Variants in SLC44A5 observed in about 807,000 individuals in gnomAD.
The protein encoded by SLC44A5 is solute carrier family 44 member 5.
In SLC44A5, 57 loss-of-function variants were observed where a neutral mutation model predicts 101.8. The observed-to-expected ratio is 0.56, with a 90% CI of 0.45 to 0.70. The LOEUF is 0.70. SLC44A5 is among the 30% of genes least tolerant of loss of function. The pLI is 0.00. For synonymous variants in SLC44A5, 281 were observed against 290.9 expected (o/e 0.97, Z 0.35); for missense variants, 737 against 853.1 (o/e 0.86, Z 1.70).
chr1:75,671,254 G>C, the SLC44A5 span, among the ~76,000 whole-genome samples: 3 of 152,092 alleles, frequency 2.0e-5, no homozygotes, highest in Non-Finnish European at 4.4e-5. Flanking sequence ...TGGTGTGCGT[G>C]GACTCTGGAT....
At chr1:75,286,331 T>C (rs1653041171) in intron 5 of SLC44A5, among the ~76,000 whole-genome samples, 1 of 152,286 alleles carries the variant, frequency 6.6e-6, no homozygotes, top group African/African-American at 2.4e-5. Flanking sequence ...AATATCTTTT[T>C]CCACCCCTTT....
intron 2 of SLC44A5, among the ~76,000 whole-genome samples, chr1:75,520,689 A>G (rs1670068812): frequency 1.3e-5 from 2 of 152,114 alleles, no homozygotes; most frequent in African/African-American, 4.8e-5. Context: ...GGTCTGAAAG[A>G]CTCGCAAAAT....
intron 5 of SLC44A5, among the ~76,000 whole-genome samples, chr1:75,285,741 G>T (rs1315730909): frequency 1.3e-5 from 2 of 151,948 alleles, no homozygotes; most frequent in African/African-American, 4.8e-5. Flanking sequence ...TAATAATTCA[G>T]GAGCAGGTTA....
chr1:75,630,925 T>C, the SLC44A5 span, among the ~76,000 whole-genome samples: 1 of 150,950 alleles, frequency 6.6e-6, no homozygotes, highest in Admixed American at 6.6e-5. Context: ...ACAGAAGGCA[T>C]TAAGTCGCCT....
chr1:75,399,473 T>G (rs1437449417), intron 2 of SLC44A5, among the ~76,000 whole-genome samples: 1 of 151,678 alleles, frequency 6.6e-6, no homozygotes, highest in African/African-American at 2.4e-5. Context: ...AAAAGGGGAG[T>G]GTGCTAATCA....
chr1:75,368,643 GCACACACACA>G (rs10598515), intron 3 of SLC44A5, among the ~76,000 whole-genome samples: 30 of 144,008 alleles, frequency 2.1e-4, no homozygotes, highest in Non-Finnish European at 2.9e-4. Context: ...AAATGTGCAT[GCACACACACA>G]CACACACACA....
intron 2 of SLC44A5, among the ~76,000 whole-genome samples, chr1:75,501,690 G>T (rs1336040895): frequency 1.3e-5 from 2 of 152,098 alleles, no homozygotes; most frequent in African/African-American, 2.4e-5. Flanking sequence ...CCGGTAAACT[G>T]CCATATCACC....
At chr1:75,511,533 T>C (rs1669571609) in intron 2 of SLC44A5, among the ~76,000 whole-genome samples, 1 of 152,232 alleles carries the variant, frequency 6.6e-6, no homozygotes, top group Non-Finnish European at 1.5e-5. Flanking sequence ...AGAGTATTTC[T>C]TATTTAAAAA....
chr1:75,604,492 T>C (rs148665339), intron 1 of SLC44A5, among the ~76,000 whole-genome samples: 1 of 152,190 alleles, frequency 6.6e-6, no homozygotes, highest in African/African-American at 2.4e-5. Flanking sequence ...CTTTGCCTAT[T>C]TGGGCTCTTT....
At chr1:75,279,719 C>A (rs1054609827) in intron 5 of SLC44A5, among the ~76,000 whole-genome samples, 3 of 151,722 alleles carry the variant, frequency 2.0e-5, no homozygotes, top group African/African-American at 7.3e-5. Context: ...CCTTTTTTTA[C>A]AACTTATAAA....
the SLC44A5 span, among the ~76,000 whole-genome samples, chr1:75,717,033 C>G: frequency 6.6e-6 from 1 of 150,438 alleles, no homozygotes; most frequent in Non-Finnish European, 1.5e-5. Context: ...GACTCCATCT[C>G]CAAAAAAAAA....
At chr1:75,234,579 A>C (rs1180644275) in intron 11 of SLC44A5, among the ~76,000 whole-genome samples, 3 of 152,030 alleles carry the variant, frequency 2.0e-5, no homozygotes, top group Admixed American at 2.0e-4. Flanking sequence ...AGATAAGAAA[A>C]ATAACTGGCC....
At chr1:75,634,642 C>A in the SLC44A5 span, among the ~76,000 whole-genome samples, 3 of 151,156 alleles carry the variant, frequency 2.0e-5, no homozygotes, top group Non-Finnish European at 4.4e-5. Flanking sequence ...CCCTTCCTTA[C>A]ACCTTATACA....
chr1:75,630,761 G>A, the SLC44A5 span, among the ~76,000 whole-genome samples: 1 of 152,178 alleles, frequency 6.6e-6, no homozygotes, highest in East Asian at 1.9e-4. Flanking sequence ...ATCAGTGGAT[G>A]CAACTCCCCA....
intron 23 of SLC44A5, chr1:75,206,799 A>T (rs1305829746): frequency 1.2e-6 from 1 of 811,658 alleles, no homozygotes; most frequent in Non-Finnish European, 2.0e-6. Flanking sequence ...GGAGGGTCGA[A>T]CAGGGAAAAA....
chr1:75,634,776 C>A, the SLC44A5 span, among the ~76,000 whole-genome samples: 1 of 151,848 alleles, frequency 6.6e-6, no homozygotes, highest in African/African-American at 2.4e-5. Context: ...GTCTAAAACA[C>A]CAAAAGCAAT....
At chr1:75,646,127 T>A in the SLC44A5 span, among the ~76,000 whole-genome samples, 8 of 135,264 alleles carry the variant, frequency 5.9e-5, no homozygotes, top group African/African-American at 2.0e-4. Context: ...TCTTTTTTGG[T>A]TCCATATGAA....
intron 3 of SLC44A5, among the ~76,000 whole-genome samples, chr1:75,396,218 A>C (rs575391694): frequency 1.3e-5 from 2 of 152,180 alleles, no homozygotes; most frequent in East Asian, 3.9e-4. Flanking sequence ...TAGTGTCATG[A>C]AAGCTGGAGA....
chr1:75,341,134 G>C (rs1157308192), intron 3 of SLC44A5, among the ~76,000 whole-genome samples: 1 of 152,158 alleles, frequency 6.6e-6, no homozygotes, highest in East Asian at 1.9e-4. Context: ...CATGAACACT[G>C]GTGTGAGGAT....
Sources: allele counts gnomAD v4.1 joint callset (sites outside exome capture counted in the v4.1 genomes callset), GRCh38; gene constraint gnomAD v4.1.1; transcripts MANE v1.5; gene names NCBI Gene and HGNC (gene_info 2026-07-23, HGNC 2026-07-21).